The following CCDC178 variants were observed in gnomAD, a reference collection of about 807,000 sequenced individuals.
CCDC178 encodes the protein coiled-coil domain containing 178, also known as coiled-coil domain-containing protein 178.
In CCDC178, 126 loss-of-function variants were observed where a neutral mutation model predicts 117.4. That is an observed-to-expected ratio of 1.07 (90% confidence interval 0.93 to 1.24). The LOEUF is 1.24. CCDC178 is among the 50% of genes most tolerant of loss of function. CCDC178 has a pLI of 0.00. For missense variants in CCDC178, 1,030 were observed against 986.9 expected (o/e 1.04, Z -0.59); for synonymous variants, 283 against 313.4 (o/e 0.90, Z 1.02).
chr18:33,035,160 T>C (rs1198551437), intron 21 of CCDC178, among the ~76,000 whole-genome samples: 1 of 151,892 alleles, frequency 6.6e-6, no homozygotes, highest in African/African-American at 2.4e-5. Flanking sequence ...GAAGTTAGGA[T>C]GTTTATAAAG....
intron 22 of CCDC178, chr18:32,954,458 T>C (rs1246813711): frequency 6.6e-6 from 1 of 152,222 alleles, no homozygotes; most frequent in Admixed American, 6.5e-5. Context: ...TTTTACATTG[T>C]ATTTGGCTCT....
At chr18:33,225,166 T>C (rs1274620963) in intron 16 of CCDC178, among the ~76,000 whole-genome samples, 1 of 151,242 alleles carries the variant, frequency 6.6e-6, no homozygotes, top group Non-Finnish European at 1.5e-5. Flanking sequence ...TATATATGCT[T>C]TTTTTAAATT....
At chr18:32,985,991 G>T (rs1285366393) in intron 21 of CCDC178, among the ~76,000 whole-genome samples, 3 of 151,984 alleles carry the variant, frequency 2.0e-5, no homozygotes, top group Non-Finnish European at 4.4e-5. Context: ...AATATAGAAA[G>T]ATATTTTTGT....
At chr18:33,439,860 T>G (rs1316421677) in intron 2 of CCDC178, 102 bp downstream of exon 2, 2 of 152,336 alleles carry the variant, frequency 1.3e-5, no homozygotes, top group African/African-American at 4.8e-5. Context: ...TAGAAAATGC[T>G]TTGAATTGGC....
At chr18:33,042,444 C>G (rs1334117128) in intron 21 of CCDC178, among the ~76,000 whole-genome samples, 2 of 151,962 alleles carry the variant, frequency 1.3e-5, no homozygotes, top group East Asian at 1.9e-4. Context: ...CTGGCTTGAT[C>G]TTTTAAAAAA....
chr18:33,242,534 C>A (rs1308026227), intron 15 of CCDC178, among the ~76,000 whole-genome samples: 2 of 150,666 alleles, frequency 1.3e-5, no homozygotes, highest in Non-Finnish European at 3.0e-5. Flanking sequence ...CCAGAATACA[C>A]AAGGAACTCA....
chr18:33,336,574 T>C (rs1185354946), intron 9 of CCDC178, among the ~76,000 whole-genome samples: 1 of 152,074 alleles, frequency 6.6e-6, no homozygotes, highest in Non-Finnish European at 1.5e-5. Flanking sequence ...TCTGAATTAA[T>C]AGGTAAAATG....
intron 20 of CCDC178, among the ~76,000 whole-genome samples, chr18:33,171,222 T>C (rs2058595494): frequency 6.6e-6 from 1 of 152,186 alleles, no homozygotes; most frequent in African/African-American, 2.4e-5. Flanking sequence ...AGTATAAGCC[T>C]ACATATCCTA....
At chr18:33,097,788 G>A (rs189887817) in intron 20 of CCDC178, among the ~76,000 whole-genome samples, 3 of 152,156 alleles carry the variant, frequency 2.0e-5, no homozygotes, top group Admixed American at 6.6e-5. Flanking sequence ...GGTTAACACA[G>A]CATTTTGACA....
At chr18:32,979,218 G>A (rs1000935203) in intron 21 of CCDC178, among the ~76,000 whole-genome samples, 10 of 151,568 alleles carry the variant, frequency 6.6e-5, no homozygotes. Context: ...GTGCAATGGC[G>A]CGATCTCAGT....
At chr18:33,205,018 A>G (rs977465604) in intron 20 of CCDC178, among the ~76,000 whole-genome samples, 8 of 152,032 alleles carry the variant, frequency 5.3e-5, no homozygotes, top group Non-Finnish European at 1.5e-5. Context: ...AAAAGTTTTG[A>G]TTTATGACTT....
chr18:33,384,551 C>T (rs1477956455), intron 5 of CCDC178, among the ~76,000 whole-genome samples: 1 of 152,100 alleles, frequency 6.6e-6, no homozygotes, highest in African/African-American at 2.4e-5. Context: ...AGATTGGGGG[C>T]CAACATTCAA....
At chr18:32,990,521 A>C (rs780410062) in intron 21 of CCDC178, among the ~76,000 whole-genome samples, 102 of 152,268 alleles carry the variant, frequency 6.7e-4, no homozygotes, top group Non-Finnish European at 9.6e-4. Flanking sequence ...AATTATTTTG[A>C]CAATTGATTC....
At chr18:33,066,380 A>G (rs1416621534) in intron 21 of CCDC178, among the ~76,000 whole-genome samples, 3 of 152,192 alleles carry the variant, frequency 2.0e-5, no homozygotes, top group Non-Finnish European at 2.9e-5. Flanking sequence ...TGTAATCACT[A>G]CAAAACCCAC....
At chr18:33,094,477 G>A (rs958329632) in intron 20 of CCDC178, among the ~76,000 whole-genome samples, 1 of 151,642 alleles carries the variant, frequency 6.6e-6, no homozygotes, top group Non-Finnish European at 1.5e-5. Flanking sequence ...TGAATTTTTT[G>A]TTCATTTGTT....
At chr18:33,077,625 A>C (rs527528689) in intron 21 of CCDC178, among the ~76,000 whole-genome samples, 3 of 152,336 alleles carry the variant, frequency 2.0e-5, no homozygotes, top group African/African-American at 7.2e-5. Context: ...AGAAGTAAAA[A>C]TAACCATCAG....
Position 33,300,138 on chromosome 18 carries a change from C to G in CCDC178, c.1023-6826G>C, listed in dbSNP as rs111870350. Among the ~76,000 whole-genome samples, 771 of 152,242 alleles carry G rather than the reference C, an allele frequency of 5.1e-3. 7 individuals are homozygous for G. Among genetic ancestry groups the G allele is most frequent in the African/African-American group, 0.018 (735 of 41,548 alleles). On this transcript the variant is annotated intron_variant, in intron 11 of 22. Coordinates refer to ENST00000383096, the MANE Select transcript of CCDC178 (RefSeq NM_001105528.4). Reference sequence around the variant, plus strand: ...TTTAAGTGTGGCCCTTCCTCCCTCTCTCTTTCGCTCCCACTCTTGCCATGT... The same window carrying G: ...TTTAAGTGTGGCCCTTCCTCCCTCTGTCTTTCGCTCCCACTCTTGCCATGT...
chr18:33,074,764 C>T lies in CCDC178; in HGVS notation c.2388+17997G>A, dbSNP rs139185702. Among the ~76,000 whole-genome samples, 335 of 152,192 alleles carry T rather than the reference C, an allele frequency of 2.2e-3. 2 individuals are homozygous for T. Among genetic ancestry groups the T allele is most frequent in the African/African-American group, 6.9e-3 (287 of 41,530 alleles). ...AGATACACCCTATGGGGTTTGACAT[C>T]ATGGAGGCAATTGACAAATGGTACT... On this transcript the variant is annotated intron_variant, in intron 21 of 22. Coordinates refer to ENST00000383096, the MANE Select transcript of CCDC178 (RefSeq NM_001105528.4).
chr18:33,320,584 AATAAAAG>A (rs920093170), intron 11 of CCDC178, among the ~76,000 whole-genome samples: 3 of 152,220 alleles, frequency 2.0e-5, no homozygotes, highest in Non-Finnish European at 2.9e-5. Flanking sequence ...TGCTCAATGA[AATAAAAG>A]AGGACACAAA....
Sources: gnomAD v4.1 joint callset for allele counts (sites outside exome capture counted in the v4.1 genomes callset) on GRCh38, gnomAD v4.1.1 for gene constraint, MANE v1.5 for transcripts, NCBI Gene and HGNC (gene_info 2026-07-23, HGNC 2026-07-21) for gene names.